Variants in TMEM131 observed in about 807,000 individuals in gnomAD.
The protein encoded by TMEM131 is 2610524E03Rik.
Under a neutral mutation model 211.6 loss-of-function variants are expected in TMEM131, and 66 were observed. The observed-to-expected ratio is 0.31, with a 90% CI of 0.26 to 0.38. The LOEUF (loss-of-function observed/expected upper bound fraction) is 0.38, where lower values mean the gene tolerates loss of function less well. TMEM131 is among the 10% of genes least tolerant of loss of function. TMEM131 has a pLI of 1.00. For synonymous variants in TMEM131, 844 were observed against 841.3 expected (o/e 1.00, Z -0.06); for missense variants, 2,036 against 2,299.3 (o/e 0.89, Z 2.34).
intron 33 of TMEM131, among the ~76,000 whole-genome samples, chr2:97,769,489 A>G (rs572573054): frequency 6.6e-6 from 1 of 152,314 alleles, no homozygotes; most frequent in African/African-American, 2.4e-5. Context: ...AGCTAGGGAC[A>G]TGACCAGCTG....
Position 97,800,595 on chromosome 2 carries a change from C to CAAAAAAAAAAA in TMEM131, c.2718+1289_2718+1299dup, listed in dbSNP as rs3064071. On this transcript the variant is annotated intron_variant, in intron 25 of 40. Transcript: ENST00000186436. The stretch of plus-strand genomic sequence containing the variant: ...TGAAACCCCGGCTCTACTAAAAATA[C>CAAAAAAAAAAA]AAAAAAAAAAAAATTAGCCAGGTGT... Among the ~76,000 whole-genome samples the CAAAAAAAAAAA allele has an allele frequency of 1.2e-3, 151 of 123,244 alleles. 4 individuals are homozygous for CAAAAAAAAAAA. Among genetic ancestry groups the CAAAAAAAAAAA allele is most frequent in the African/African-American group, 1.8e-3 (54 of 29,466 alleles). 80.9% of individuals were successfully genotyped at this position (123,244 alleles called of 152,430 possible).
At chr2:97,938,942 G>A (rs991744407) in intron 1 of TMEM131, among the ~76,000 whole-genome samples, 21 of 152,188 alleles carry the variant, frequency 1.4e-4, no homozygotes, top group African/African-American at 3.9e-4. Context: ...GGTACATAAC[G>A]AAATGAAGGC....
intron 31 of TMEM131, among the ~76,000 whole-genome samples, chr2:97,779,228 A>G (rs561583777): frequency 1.3e-5 from 2 of 152,186 alleles, no homozygotes; most frequent in Non-Finnish European, 1.5e-5. Context: ...GCCATGTATG[A>G]TTTCTTCTGC....
At position 97,908,696 on chromosome 2, in the gene TMEM131, G is replaced by A. The variant is rs61737619; in HGVS notation, c.252C>T (p.Thr84=). ...ATGAACTGAGTCCAAGTGTTGTCTC[G>A]GTCTGTAAAAGGAATAAAATAATGA... ...LRFDDGGLLQ[T]ETTLGLSSYQ... Residue 84 remains threonine (T), a splice_region_variant and synonymous_variant, in exon 3 of 41, where the codon ACC becomes ACT. Coordinates refer to ENST00000186436, the MANE Select transcript of TMEM131 (RefSeq NM_015348.2). 1.6e-4 allele frequency: 254 copies of A among 1,598,338 alleles called. No homozygotes were observed. In the East Asian group the frequency reaches 2.3e-3, roughly 14 times the overall value.
chr2:97,888,151 C>G, intron 3 of TMEM131, 31 bp from the exon 4 acceptor site: 2 of 1,567,350 alleles, frequency 1.3e-6, no homozygotes, highest in East Asian at 2.2e-5. Flanking sequence ...ACATAAGAAG[C>G]AATTCTTCAA....
In TMEM131 at chr2:97,802,681, A is replaced by G. The variant is rs1239325813; in HGVS notation, c.2512T>C (p.Phe838Leu). Reference sequence around the variant, plus strand: ...GAGCAGTTTGTATTAGTAAGTGGAAATTTCAAGTGCCGGGGTGAGCTAAGT... The same window carrying G: ...GAGCAGTTTGTATTAGTAAGTGGAAGTTTCAAGTGCCGGGGTGAGCTAAGT... ...SILSSPRHLKFPLTNTNCSSE... is the reference protein window; with the variant it reads ...SILSSPRHLKLPLTNTNCSSE... The change falls in exon 23 of 41, where the codon TTT becomes CTT. Residue 838 changes from phenylalanine (F) to leucine (L), a missense_variant. Around this residue, in one of 3 missense-constraint regions of TMEM131, gnomAD observed 1,623 missense variants for 1,805.9 expected, o/e 0.90. Transcript: ENST00000186436. 1.9e-6 allele frequency: 3 copies of G among 1,611,728 alleles called. No individual in the cohort carries two copies. Among genetic ancestry groups the G allele is most frequent in the Non-Finnish European group, 2.5e-6 (3 of 1,178,834 alleles).
intron 4 of TMEM131, among the ~76,000 whole-genome samples, chr2:97,875,693 G>A (rs1674664661): frequency 6.6e-6 from 1 of 152,186 alleles, no homozygotes; most frequent in Non-Finnish European, 1.5e-5. Context: ...CAATGTACCA[G>A]AATCTCTGGG....
chr2:97,983,956 C>T (rs1679915314), intron 1 of TMEM131, among the ~76,000 whole-genome samples: 1 of 152,134 alleles, frequency 6.6e-6, no homozygotes, highest in African/African-American at 2.4e-5. Context: ...TGTGTTTTAA[C>T]CCACTCAACT....
intron 5 of TMEM131, among the ~76,000 whole-genome samples, chr2:97,857,841 T>G (rs1428505820): frequency 6.6e-6 from 1 of 152,186 alleles, no homozygotes; most frequent in Non-Finnish European, 1.5e-5. Context: ...CTCACAGCAT[T>G]AGAATTATAT....
At chr2:97,771,381 A>T (rs1286938565) in intron 33 of TMEM131, among the ~76,000 whole-genome samples, 1 of 152,180 alleles carries the variant, frequency 6.6e-6, no homozygotes, top group Non-Finnish European at 1.5e-5. Context: ...CTAGGGACAG[A>T]GTCTAGGTTA....
intron 21 of TMEM131, 45 bp from the exon 22 acceptor site, chr2:97,805,250 C>A: frequency 6.3e-7 from 1 of 1,579,784 alleles, no homozygotes; most frequent in Admixed American, 1.8e-5. Flanking sequence ...ACTCACTTGT[C>A]AATTTTCCTT....
In TMEM131 at chr2:97,762,019, G is replaced by T; in HGVS notation, c.4889+16C>A. The T allele has an allele frequency of 6.5e-7, 1 of 1,539,590 alleles. No homozygotes were observed. The highest frequency in any genetic ancestry group is 1.3e-5 in the South Asian group (1 of 78,276). ...ACATTTCAAGCTGAGAACCGGAAAG[G>T]AAGCAGCAGGCCTACCTGCTGGAGC... On this transcript the variant is annotated intron_variant, in intron 36 of 40. Transcript: ENST00000186436.
intron 5 of TMEM131, among the ~76,000 whole-genome samples, chr2:97,856,222 G>A (rs1673840288): frequency 6.6e-6 from 1 of 151,664 alleles, no homozygotes; most frequent in Admixed American, 6.6e-5. Flanking sequence ...TATATAATAT[G>A]GCCATGAAAG....
chr2:97,983,272 T>A (rs1679878658), intron 1 of TMEM131, among the ~76,000 whole-genome samples: 1 of 152,196 alleles, frequency 6.6e-6, no homozygotes, highest in Non-Finnish European at 1.5e-5. Flanking sequence ...AGTGACAGTC[T>A]CAAGTAGTAG....
rs368323876 is a variant in TMEM131, at chr2:97,805,040, T to G, written c.2402+48A>C. The G allele has an allele frequency of 2.4e-6, 3 of 1,265,394 alleles. No individual in the cohort carries two copies. In the African/African-American group the frequency reaches 4.5e-5, roughly 19 times the overall value. The allele number at this position is 1,265,394 out of a possible 1,614,324, so 78.4% of individuals were successfully genotyped here. A position where few individuals can be genotyped will look rare whatever the true frequency, so the allele number is the denominator to read the frequency against. On this transcript the variant is annotated intron_variant, in intron 22 of 40. Coordinates refer to ENST00000186436, the MANE Select transcript of TMEM131 (RefSeq NM_015348.2). Reference sequence around the variant, plus strand: ...TAATTTAGAAAGCATTATGTTTCAATAGTCATCTTGTAAAGATGGCTAAAA... The same window carrying G: ...TAATTTAGAAAGCATTATGTTTCAAGAGTCATCTTGTAAAGATGGCTAAAA...
At chr2:97,936,470 GC>G (rs1462939245) in intron 1 of TMEM131, among the ~76,000 whole-genome samples, 1 of 152,168 alleles carries the variant, frequency 6.6e-6, no homozygotes, top group Non-Finnish European at 1.5e-5. Flanking sequence ...GTTTTGATGT[GC>G]CCCAACACAC....
At chr2:97,980,802 C>T (rs1679754158) in intron 1 of TMEM131, among the ~76,000 whole-genome samples, 2 of 151,990 alleles carry the variant, frequency 1.3e-5, no homozygotes, top group Admixed American at 1.3e-4. Context: ...ATAAACCAGT[C>T]TTAAAACCAT....
intron 4 of TMEM131, among the ~76,000 whole-genome samples, chr2:97,883,939 A>G (rs1675035850): frequency 6.6e-6 from 1 of 151,964 alleles, no homozygotes; most frequent in South Asian, 2.1e-4. Flanking sequence ...TTTGATTTTG[A>G]TCTTACTTAT....
intron 2 of TMEM131, among the ~76,000 whole-genome samples, chr2:97,926,807 A>T (rs919711320): frequency 1.4e-4 from 22 of 152,216 alleles, no homozygotes; most frequent in South Asian, 4.1e-4. Flanking sequence ...TGGATTATCA[A>T]CCTGCAACCT....
Sources: gnomAD v4.1 joint callset for allele counts (sites outside exome capture counted in the v4.1 genomes callset) on GRCh38, gnomAD v4.1.1 for gene constraint, gnomAD v4.1.1 regional missense constraint, MANE v1.5 for transcripts, NCBI Gene and HGNC (gene_info 2026-07-23, HGNC 2026-07-21) for gene names.